Variants in PLCG2 observed in about 807,000 individuals in gnomAD.
PLCG2 encodes the protein phospholipase C gamma 2.
A neutral mutation model predicts 175.6 loss-of-function variants in PLCG2; 69 were observed. The observed-to-expected ratio is 0.39, with a 90% CI of 0.32 to 0.48. PLCG2 has a LOEUF of 0.48. Among genes scored for constraint, PLCG2 ranks in the 20% least tolerant of loss-of-function variants. The pLI, the probability that PLCG2 is intolerant of heterozygous loss-of-function variation, is 0.91. For synonymous variants in PLCG2, 827 were observed against 624.0 expected (o/e 1.33, Z -4.85); for missense variants, 1,798 against 1,650.9 (o/e 1.09, Z -1.54).
At position 81,879,058 on chromosome 16, in the gene PLCG2, A is replaced by G. The variant is rs558306033; in HGVS notation, c.649-1852A>G. Among the ~76,000 whole-genome samples, 8 of 152,150 alleles carry G rather than the reference A, an allele frequency of 5.3e-5. No homozygotes were observed. The East Asian group carries it at 1.5e-3, about 29-fold the overall frequency. On this transcript the variant is annotated intron_variant, in intron 7 of 32. Coordinates refer to ENST00000564138, the MANE Select transcript of PLCG2 (RefSeq NM_002661.5). Reference sequence around the variant, plus strand: ...TCTGTACCATGGTGGTACCTCTGCCATTGTCCGAGCTCCCTGAGTGGGGGA... The same window carrying G: ...TCTGTACCATGGTGGTACCTCTGCCGTTGTCCGAGCTCCCTGAGTGGGGGA...
chr16:81,945,996 G>A (rs753151624), intron 30 of PLCG2, among the ~76,000 whole-genome samples, 179 bp from the exon 31 acceptor site: 52 of 152,104 alleles, frequency 3.4e-4, no homozygotes, highest in Non-Finnish European at 5.7e-4. Flanking sequence ...ATGGCTGCCG[G>A]CCTCTGTCCC....
intron 20 of PLCG2, among the ~76,000 whole-genome samples, chr16:81,920,800 A>C (rs1320493859): frequency 6.6e-6 from 1 of 152,092 alleles, no homozygotes; most frequent in East Asian, 1.9e-4. Flanking sequence ...CCATGGTGTA[A>C]ATACTTCCAT....
chr16:81,817,878 A>T lies in PLCG2; in HGVS notation c.193+31696A>T, dbSNP rs75940041. Among the ~76,000 whole-genome samples the T allele has an allele frequency of 2.2e-3, 330 of 152,344 alleles. 3 individuals are homozygous for T. The highest frequency in any genetic ancestry group is 7.7e-3 in the African/African-American group (321 of 41,582). On this transcript the variant is annotated intron_variant, in intron 2 of 32. Coordinates refer to ENST00000564138, the MANE Select transcript of PLCG2 (RefSeq NM_002661.5). ...AAAATGAGACAAGCTCCCTGTGCTT[A>T]TGAACATGTTCTCACGTTCCTTACT...
intron 2 of PLCG2, chr16:81,852,201 C>G (rs930529065): frequency 6.6e-6 from 1 of 152,220 alleles, no homozygotes; most frequent in Non-Finnish European, 1.5e-5. Flanking sequence ...TCATGTTTTA[C>G]CAGCTTGGGA....
rs556208603 is a variant in PLCG2, at chr16:81,870,949, T to C, written c.648+14T>C. On this transcript the variant is annotated intron_variant, in intron 7 of 32. Coordinates refer to ENST00000564138, the MANE Select transcript of PLCG2 (RefSeq NM_002661.5). ...CAGCAAAAATCGGTAAGATGATTCT[T>C]GAGCAAGTGATCAAGTGATGTTTCT... is the stretch of plus-strand genomic sequence containing the variant. 5.1e-6 allele frequency: 7 copies of C among 1,377,470 alleles called. No individual in the cohort carries two copies. The African/African-American group carries it at 1.0e-4, about 20-fold the overall frequency. 85.3% of individuals were successfully genotyped at this position (1,377,470 alleles called of 1,614,324 possible).
At position 81,870,893 on chromosome 16, in the gene PLCG2, C is replaced by G; in HGVS notation, c.606C>G (p.Phe202Leu). 5 of 1,603,676 alleles carry G rather than the reference C, an allele frequency of 3.1e-6. No homozygotes were observed. Among genetic ancestry groups the G allele is most frequent in the Non-Finnish European group, 3.4e-6 (4 of 1,174,738 alleles). Residue 202 changes from phenylalanine (F) to leucine (L), a missense_variant, in exon 7 of 33, where the codon TTC becomes TTG. By Grantham distance (22) the Phe-to-Leu change is conservative. Transcript: ENST00000564138. ...AAGATGAGCTCAGCTTTGAACAGTT[C>G]CATCTCTTCTATAAAAAACTTATGT... ...AHKDELSFEQ[F>L]HLFYKKLMFE...
intron 2 of PLCG2, among the ~76,000 whole-genome samples, chr16:81,820,991 A>T (rs1465393849): frequency 6.6e-6 from 1 of 151,166 alleles, no homozygotes; most frequent in Non-Finnish European, 1.5e-5. Flanking sequence ...TCCTGACGTC[A>T]AATGATCCGC....
At chr16:81,948,924 C>G (rs981838388) in intron 31 of PLCG2, among the ~76,000 whole-genome samples, 1 of 152,202 alleles carries the variant, frequency 6.6e-6, no homozygotes, top group African/African-American at 2.4e-5. Flanking sequence ...GTGGAAACCT[C>G]AGATGATGAG....
At chr16:81,878,519 C>A (rs971088496) in intron 7 of PLCG2, among the ~76,000 whole-genome samples, 1 of 152,176 alleles carries the variant, frequency 6.6e-6, no homozygotes. Context: ...GTGCCCCATA[C>A]TGTCAACTAC....
intron 5 of PLCG2, among the ~76,000 whole-genome samples, chr16:81,860,642 G>A (rs1187552649): frequency 6.6e-6 from 1 of 151,998 alleles, no homozygotes; most frequent in Non-Finnish European, 1.5e-5. Flanking sequence ...TTATGTTTTT[G>A]AGGTATGATT....
chr16:81,770,557 T>C (rs1271712205), intron 2 of PLCG2, among the ~76,000 whole-genome samples: 1 of 151,062 alleles, frequency 6.6e-6, no homozygotes, highest in East Asian at 2.0e-4. Context: ...TATAAATAAA[T>C]ACAAACATCT....
chr16:81,785,630 A>T (rs532504426), intron 1 of PLCG2: 1 of 185,412 alleles, frequency 5.4e-6, no homozygotes, highest in East Asian at 1.6e-4. Flanking sequence ...TGGCTATTCA[A>T]ATATTCTTTA....
At chr16:81,771,072 A>T (rs1363751726) in intron 2 of PLCG2, among the ~76,000 whole-genome samples, 1 of 147,318 alleles carries the variant, frequency 6.8e-6, no homozygotes, top group East Asian at 2.0e-4. Context: ...AAAAAAAAAA[A>T]TAAATAAATA....
chr16:81,756,338 T>C (rs916615424), intron 2 of PLCG2, among the ~76,000 whole-genome samples: 4 of 152,236 alleles, frequency 2.6e-5, no homozygotes, highest in African/African-American at 7.2e-5. Flanking sequence ...GTGCATAGTA[T>C]ATGCCAGTCA....
At chr16:81,943,784 G>A (rs1467798340) in intron 30 of PLCG2, among the ~76,000 whole-genome samples, 1 of 152,162 alleles carries the variant, frequency 6.6e-6, no homozygotes, top group African/African-American at 2.4e-5. Flanking sequence ...TAGCGATAGG[G>A]AAAAATAGGT....
chr16:81,934,403 C>A, intron 25 of PLCG2, 26 bp from the exon 26 acceptor site: 1 of 1,412,106 alleles, frequency 7.1e-7, no homozygotes, highest in Non-Finnish European at 1.0e-6. Flanking sequence ...CGGGGGCGGG[C>A]ACTAAAGACA....
chr16:81,770,031 A>T (rs1397911290), intron 2 of PLCG2, among the ~76,000 whole-genome samples: 1 of 152,268 alleles, frequency 6.6e-6, no homozygotes, highest in Admixed American at 6.5e-5. Context: ...TGCAAGGTAG[A>T]TATTCAATAA....
At chr16:81,939,375 G>T (rs1910846398) in intron 29 of PLCG2, among the ~76,000 whole-genome samples, 1 of 152,186 alleles carries the variant, frequency 6.6e-6, no homozygotes, top group Admixed American at 6.5e-5. Context: ...AACCGTGATT[G>T]GTGGGCCTTC....
chr16:81,763,948 C>T (rs1910091721), intron 2 of PLCG2, among the ~76,000 whole-genome samples: 1 of 151,746 alleles, frequency 6.6e-6, no homozygotes, highest in Non-Finnish European at 1.5e-5. Context: ...GCCTGGGCGA[C>T]AGAGAGACTC....
Sources: allele counts gnomAD v4.1 joint callset (sites outside exome capture counted in the v4.1 genomes callset), GRCh38; gene constraint gnomAD v4.1.1; transcripts MANE v1.5; gene names NCBI Gene and HGNC (gene_info 2026-07-23, HGNC 2026-07-21).